LRRC4B: variants seen among roughly 807,000 people sequenced by gnomAD.
LRRC4B encodes the protein leucine rich repeat containing 4B.
A neutral mutation model predicts 7.3 loss-of-function variants in LRRC4B; 1 was observed. The observed-to-expected ratio is 0.14, with a 90% CI of 0.05 to 0.65. The LOEUF is 0.65. Among genes scored for constraint, LRRC4B ranks in the 30% least tolerant of loss-of-function variants. The pLI is 0.84. For synonymous variants in LRRC4B, 500 were observed against 499.2 expected (o/e 1.00, Z -0.02); for missense variants, 730 against 1,041.6 (o/e 0.70, Z 4.12).
chr19:50,517,720 AGTG>A lies in LRRC4B; in HGVS notation c.1990_1992del (p.His664del). 2 of 1,552,192 alleles carry A rather than the reference AGTG, an allele frequency of 1.3e-6. No individual in the cohort carries two copies. The highest frequency in any genetic ancestry group is 1.7e-6 in the Non-Finnish European group (2 of 1,150,986). On this transcript the variant is annotated inframe_deletion, in exon 3 of 3. Coordinates refer to ENST00000652263, the MANE Select transcript of LRRC4B (RefSeq NM_001080457.2). The surrounding 1 kb of genome is among the most constrained non-coding windows in gnomAD (Gnocchi z 6.6). ...TGCGCCTTGAAGGCGGCAGCCACGT[AGTG>A]GTGGTGGTTGAGGTGGTCTCGCTCC...
intron 2 of LRRC4B, among the ~76,000 whole-genome samples, chr19:50,520,926 A>G: frequency 6.6e-6 from 1 of 152,192 alleles, no homozygotes; most frequent in South Asian, 2.1e-4. Flanking sequence ...ATGTCCACGC[A>G]ACGGCTTCTA....
chr19:50,550,387 A>G (rs550863974), intron 1 of LRRC4B, among the ~76,000 whole-genome samples: 4 of 151,952 alleles, frequency 2.6e-5, no homozygotes, highest in African/African-American at 9.6e-5. Context: ...AGGGCAGGTC[A>G]CACAAACACG....
In LRRC4B at chr19:50,548,674, G is replaced by A. The variant is rs1476439510; in HGVS notation, c.165C>T (p.Thr55=). The A allele has an allele frequency of 6.4e-7, 1 of 1,556,586 alleles. No individual in the cohort carries two copies. The highest frequency in any genetic ancestry group is 1.4e-5 in the African/African-American group (1 of 73,896). ...SAAGGGSPPA[T]SCPVACSCSN... The stretch of plus-strand genomic sequence containing the variant: ...TGCAGGAGCAGGCCACGGGGCAGGA[G>A]GTGGCCGGCGGGGAGCCCCCTCCGG... Residue 55 remains threonine (T), a synonymous_variant, in exon 2 of 3, where the codon ACC becomes ACT. Transcript: ENST00000652263. This position sits in a 1 kb window ranked among gnomAD's most constrained non-coding sequence, Gnocchi z 6.8.
At chr19:50,549,190 A>C (rs1189576665) in intron 1 of LRRC4B, among the ~76,000 whole-genome samples, 1 of 152,206 alleles carries the variant, frequency 6.6e-6, no homozygotes, top group Non-Finnish European at 1.5e-5. Context: ...TAAGTGCAGA[A>C]GTTGTCCAGA....
intron 1 of LRRC4B, among the ~76,000 whole-genome samples, chr19:50,562,523 G>C (rs1295433043): frequency 6.6e-6 from 1 of 152,206 alleles, no homozygotes; most frequent in Non-Finnish European, 1.5e-5. Flanking sequence ...AATCTCCTCT[G>C]CGTTTACCCC....
chr19:50,526,107 G>T (rs1980797671), intron 2 of LRRC4B, among the ~76,000 whole-genome samples: 1 of 152,082 alleles, frequency 6.6e-6, no homozygotes, highest in African/African-American at 2.4e-5. Flanking sequence ...AGGACTGCCC[G>T]TCAGTCCCAG....
chr19:50,537,223 G>C lies in LRRC4B; in HGVS notation c.297+11319C>G, dbSNP rs1256399258. Among the ~76,000 whole-genome samples, 1 of 152,186 alleles carries C rather than the reference G, an allele frequency of 6.6e-6. No homozygotes were observed. Among genetic ancestry groups the C allele is most frequent in the Non-Finnish European group, 1.5e-5 (1 of 68,034 alleles). ...CCTGCCTGGGCCGAGTCCCAGCTCC[G>C]TTACTAACCATGGGACCAGGACCGT... is the stretch of plus-strand genomic sequence containing the variant. On this transcript the variant is annotated intron_variant, in intron 2 of 2. Coordinates refer to ENST00000652263, the MANE Select transcript of LRRC4B (RefSeq NM_001080457.2). The surrounding 1 kb of genome is among the most constrained non-coding windows in gnomAD (Gnocchi z 5.5).
intron 1 of LRRC4B, among the ~76,000 whole-genome samples, chr19:50,554,311 C>G (rs2122914490): frequency 6.6e-6 from 1 of 152,154 alleles, no homozygotes; most frequent in South Asian, 2.1e-4. Flanking sequence ...GCACACATCT[C>G]ACGTCAGCTG....
At chr19:50,565,227 G>A (rs1982590226) in intron 1 of LRRC4B, among the ~76,000 whole-genome samples, 2 of 152,206 alleles carry the variant, frequency 1.3e-5, no homozygotes, top group African/African-American at 4.8e-5. Context: ...AGCGGCACCT[G>A]GGGCTGCATC....
In LRRC4B at chr19:50,541,562, G is replaced by A. The variant is rs574619545; in HGVS notation, c.297+6980C>T. ...AGGCTACTTCTAAACGTTGGTAGTC[G>A]GGCCATCCTTAAACACAACTCTTTG... On this transcript the variant is annotated intron_variant, in intron 2 of 2. Coordinates refer to ENST00000652263, the MANE Select transcript of LRRC4B (RefSeq NM_001080457.2). Among the ~76,000 whole-genome samples the A allele has an allele frequency of 2.0e-4, 30 of 152,032 alleles. 1 individual carries two copies. Among genetic ancestry groups the A allele is most frequent in the Non-Finnish European group, 3.2e-4 (22 of 67,974 alleles).
chr19:50,538,226 A>T (rs1981376471), intron 2 of LRRC4B, among the ~76,000 whole-genome samples: 2 of 152,094 alleles, frequency 1.3e-5, no homozygotes, highest in Admixed American at 1.3e-4. Context: ...CCACTCCCAG[A>T]TAATTTTTGT....
intron 1 of LRRC4B, among the ~76,000 whole-genome samples, chr19:50,564,516 C>A (rs1982564004): frequency 6.6e-6 from 1 of 151,838 alleles, no homozygotes. Flanking sequence ...GGTTTCACAG[C>A]AGATGGGGTG....
At chr19:50,534,635 A>G (rs1044845813) in intron 2 of LRRC4B, among the ~76,000 whole-genome samples, 15 of 152,162 alleles carry the variant, frequency 9.9e-5, no homozygotes, top group Non-Finnish European at 2.2e-4. Context: ...GCCCCCATCA[A>G]TGACTGCCTT....
Position 50,555,393 on chromosome 19 carries a change from C to G in LRRC4B, c.-35-6520G>C, listed in dbSNP as rs964901280. ...AGGGTACACCTGTTCTCCTCCCTCA[C>G]CTGGTGCAAGGAACAAGCCAGAGGT... On this transcript the variant is annotated intron_variant, in intron 1 of 2. Coordinates refer to ENST00000652263, the MANE Select transcript of LRRC4B (RefSeq NM_001080457.2). The surrounding 1 kb of genome is among the most constrained non-coding windows in gnomAD (Gnocchi z 5.2). 1.7e-4 allele frequency: 26 copies of G among 152,496 alleles called. No homozygotes were observed. Among genetic ancestry groups the G allele is most frequent in the African/African-American group, 6.0e-4 (25 of 41,462 alleles). The allele number at this position is 152,496 out of a possible 1,614,324, so 9.4% of individuals were successfully genotyped here. A position where few individuals can be genotyped will look rare whatever the true frequency, so the allele number is the denominator to read the frequency against.
chr19:50,535,015 C>CA (rs1568723882), intron 2 of LRRC4B, among the ~76,000 whole-genome samples: 17 of 151,336 alleles, frequency 1.1e-4, no homozygotes, highest in African/African-American at 4.1e-4. Context: ...ATTACAGGCG[C>CA]CTGCCACCAC....
intron 2 of LRRC4B, among the ~76,000 whole-genome samples, chr19:50,530,459 C>T (rs1599765661): frequency 1.3e-5 from 2 of 152,360 alleles, no homozygotes; most frequent in East Asian, 3.9e-4. Context: ...ACGCCCTTCC[C>T]TTTCATCCAC....
rs1320129306 is a variant in LRRC4B at position 50,556,313 on chromosome 19, G to C, written c.-35-7440C>G. Among the ~76,000 whole-genome samples the C allele has an allele frequency of 2.6e-5, 4 of 151,846 alleles. No homozygotes were observed. The highest frequency in any genetic ancestry group is 5.9e-5 in the Non-Finnish European group (4 of 67,910). ...GGGTGAGGTGGTGACTTGCTTGGAG[G>C]GGGGCTGTCCTTTCCCGTGCAGCCA... is the stretch of plus-strand genomic sequence containing the variant. On this transcript the variant is annotated intron_variant, in intron 1 of 2. Coordinates refer to ENST00000652263, the MANE Select transcript of LRRC4B (RefSeq NM_001080457.2). The surrounding 1 kb of genome is among the most constrained non-coding windows in gnomAD (Gnocchi z 4.2).
chr19:50,558,200 T>TACACACACACACAC (rs71182737), intron 1 of LRRC4B, among the ~76,000 whole-genome samples: 6 of 147,702 alleles, frequency 4.1e-5, no homozygotes, highest in African/African-American at 9.9e-5. Flanking sequence ...ACTGTATACA[T>TACACACACACACAC]ACACACACAC....
Position 50,517,311 on chromosome 19 carries a change from C to A in LRRC4B, c.*260G>T. The A allele has an allele frequency of 3.0e-6, 1 of 338,026 alleles. No homozygotes were observed. Among genetic ancestry groups the A allele is most frequent in the Non-Finnish European group, 5.4e-6 (1 of 186,896 alleles). The allele number at this position is 338,026 out of a possible 1,614,324, so 20.9% of individuals were successfully genotyped here. A position where few individuals can be genotyped will look rare whatever the true frequency, so the allele number is the denominator to read the frequency against. On this transcript the variant is annotated 3_prime_UTR_variant, in exon 3 of 3. Transcript: ENST00000652263. The surrounding 1 kb of genome is among the most constrained non-coding windows in gnomAD (Gnocchi z 6.6). The stretch of plus-strand genomic sequence containing the variant: ...AACGCGGAGAACTCAGGCCACTTCT[C>A]CTGGGTCCCACGTCCCCTCCCGTCA...
Sources: gnomAD v4.1 joint callset for allele counts (sites outside exome capture counted in the v4.1 genomes callset) on GRCh38, gnomAD v4.1.1 for gene constraint, Gnocchi (gnomAD v3.1) non-coding constraint, MANE v1.5 for transcripts, NCBI Gene and HGNC (gene_info 2026-07-23, HGNC 2026-07-21) for gene names.